Variants in PLA2R1 observed in about 807,000 individuals in gnomAD.
The protein encoded by PLA2R1 is secretory phospholipase A2 receptor.
A neutral mutation model predicts 195.9 loss-of-function variants in PLA2R1; 158 were observed. The observed-to-expected ratio is 0.81, with a 90% CI of 0.71 to 0.92. The LOEUF (loss-of-function observed/expected upper bound fraction) is 0.92, where lower values mean the gene tolerates loss of function less well. PLA2R1 is among the 40% of genes least tolerant of loss of function. The pLI, the probability that PLA2R1 is intolerant of heterozygous loss-of-function variation, is 0.00. For missense variants in PLA2R1, 1,626 were observed against 1,764.6 expected, an observed-to-expected ratio of 0.92 and a Z score of 1.41; for synonymous variants, 586 against 598.2, an observed-to-expected ratio of 0.98 and a Z score of 0.30.
intron 8 of PLA2R1, among the ~76,000 whole-genome samples, chr2:160,017,165 T>G (rs1692824218): frequency 2.0e-5 from 3 of 152,190 alleles, no homozygotes; most frequent in Admixed American, 2.0e-4. Flanking sequence ...TCTCAATTTT[T>G]CTATGAAAAG....
Position 160,062,300 on chromosome 2 carries a change from C to T in PLA2R1, c.104G>A (p.Trp35Ter). ...CCCGACCCTGGGAGACTCACCCTGC[C>T]ACTCCAGGAGCCGCTCGGGGGTAAG... ...AALTPERLLEWQDKGIFVIQS... is the reference protein window; with the variant it reads ...AALTPERLLE The change falls in exon 1 of 30, where the codon TGG becomes TAG. Residue 35 changes from tryptophan to a stop codon, truncating the protein, a stop_gained. Transcript: ENST00000283243. LOFTEE classifies it high-confidence loss of function. 3 of 1,497,174 alleles carry T rather than the reference C, an allele frequency of 2.0e-6. No individual in the cohort carries two copies. The highest frequency in any genetic ancestry group is 2.7e-6 in the Non-Finnish European group (3 of 1,123,620). 92.7% of individuals were successfully genotyped at this position (1,497,174 alleles called of 1,614,324 possible). A position where few individuals can be genotyped will look rare whatever the true frequency, so the allele number is the denominator to read the frequency against.
At chr2:160,048,919 C>T (rs916240805) in intron 1 of PLA2R1, among the ~76,000 whole-genome samples, 1 of 148,426 alleles carries the variant, frequency 6.7e-6, no homozygotes, top group African/African-American at 2.5e-5. Flanking sequence ...CGGCTCACTG[C>T]AAGCTCCGCC....
chr2:159,943,130 T>A (rs1302707298), intron 28 of PLA2R1, among the ~76,000 whole-genome samples: 1 of 152,024 alleles, frequency 6.6e-6, no homozygotes, highest in East Asian at 1.9e-4. Context: ...CCATCACACC[T>A]GGCTAATTTT....
intron 11 of PLA2R1, among the ~76,000 whole-genome samples, chr2:159,992,221 A>G (rs916500977): frequency 1.3e-5 from 2 of 151,824 alleles, no homozygotes; most frequent in Admixed American, 6.6e-5. Context: ...GCCAGTGATG[A>G]TGAGCATTTT....
In PLA2R1 at chr2:159,956,543, T is replaced by TC. The variant is rs755922927; in HGVS notation, c.2988dup (p.Thr997AspfsTer6). 33 of 1,612,658 alleles carry TC rather than the reference T, an allele frequency of 2.0e-5. No individual in the cohort carries two copies. The African/African-American group carries it at 3.3e-4, about 16-fold the overall frequency. ...ACCTCACTTTCAATGGCGACCAGGGTCCCCCCTTCTTCAGCACAGAAATGT... is the reference window on the plus strand; with the variant it reads ...ACCTCACTTTCAATGGCGACCAGGGTCCCCCCCTTCTTCAGCACAGAAATGT... On this transcript the variant is annotated frameshift_variant, in exon 21 of 30. Coordinates refer to ENST00000283243, the MANE Select transcript of PLA2R1 (RefSeq NM_007366.5). LOFTEE classifies it high-confidence loss of function.
At position 159,976,686 on chromosome 2, in the gene PLA2R1, G is replaced by C. The variant is rs372564830; in HGVS notation, c.2436C>G (p.Tyr812Ter). ...VKPKIPFWYQ[Y>*]DVPWLFYQDA... ...AAGAGCTGCCAGAGTCATTCTTACC[G>C]TACTGGTACCAGAACGGAATCTTGG... is the stretch of plus-strand genomic sequence containing the variant. Residue 812 changes from tyrosine to a stop codon, truncating the protein, a stop_gained and splice_region_variant, in exon 16 of 30, where the codon TAC becomes TAG. Transcript: ENST00000283243. LOFTEE classifies it high-confidence loss of function. 1.1e-5 allele frequency: 18 copies of C among 1,583,928 alleles called. No individual in the cohort carries two copies. Among genetic ancestry groups the C allele is most frequent in the Non-Finnish European group, 1.5e-5 (17 of 1,153,476 alleles).
At chr2:160,029,417 T>C (rs2105510456) in intron 4 of PLA2R1, among the ~76,000 whole-genome samples, 1 of 151,864 alleles carries the variant, frequency 6.6e-6, no homozygotes, top group East Asian at 1.9e-4. Context: ...CCAGGAGATG[T>C]CTGCTCAACA....
chr2:159,948,956 G>A (rs993756209), intron 25 of PLA2R1, among the ~76,000 whole-genome samples: 12 of 152,144 alleles, frequency 7.9e-5, no homozygotes, highest in Non-Finnish European at 1.6e-4. Context: ...TTAATGCTCT[G>A]AGTTTACATT....
chr2:159,960,336 C>T (rs1236376711), intron 20 of PLA2R1, among the ~76,000 whole-genome samples: 18 of 152,004 alleles, frequency 1.2e-4, no homozygotes, highest in Admixed American at 1.0e-3. Context: ...TTTTCCTGAT[C>T]GATTTACTAA....
intron 1 of PLA2R1, among the ~76,000 whole-genome samples, chr2:160,057,908 T>A (rs914331226): frequency 6.6e-6 from 1 of 152,196 alleles, no homozygotes; most frequent in African/African-American, 2.4e-5. Context: ...AGGGGGTGAA[T>A]GCCCCAGGAG....
chr2:160,054,704 T>C (rs1416218913), intron 1 of PLA2R1, among the ~76,000 whole-genome samples: 1 of 152,254 alleles, frequency 6.6e-6, no homozygotes, highest in Non-Finnish European at 1.5e-5. Flanking sequence ...CTTTATAAAA[T>C]GTTTTTCCCT....
chr2:160,025,455 G>A (rs942139642), intron 6 of PLA2R1, among the ~76,000 whole-genome samples: 7 of 151,936 alleles, frequency 4.6e-5, no homozygotes, highest in Non-Finnish European at 7.4e-5. Context: ...TGTAAATAGC[G>A]ACATCAAAAT....
At chr2:159,994,020 C>A (rs1691031098) in intron 11 of PLA2R1, among the ~76,000 whole-genome samples, 1 of 151,366 alleles carries the variant, frequency 6.6e-6, no homozygotes. Context: ...GTGAAGAAAC[C>A]CCTAATGAGT....
chr2:160,035,177 A>G (rs17830904), intron 3 of PLA2R1, among the ~76,000 whole-genome samples: 53,978 of 152,146 alleles, frequency 0.35, 11,907 homozygotes, highest in Non-Finnish European at 0.5. Flanking sequence ...CTCAGCCTGT[A>G]TAAGAATTTG....
chr2:160,024,317 C>T (rs554575542), intron 6 of PLA2R1, among the ~76,000 whole-genome samples: 16 of 152,220 alleles, frequency 1.1e-4, no homozygotes, highest in African/African-American at 3.6e-4. Flanking sequence ...CTCACTCTAC[C>T]TGGTGTGGCC....
intron 3 of PLA2R1, among the ~76,000 whole-genome samples, chr2:160,036,746 T>A (rs1694185276): frequency 1.3e-5 from 2 of 152,154 alleles, no homozygotes; most frequent in Admixed American, 1.3e-4. Flanking sequence ...TCCTAGCTCT[T>A]CCCCTCACCT....
intron 11 of PLA2R1, among the ~76,000 whole-genome samples, chr2:160,005,353 T>G (rs1170672633): frequency 6.6e-6 from 1 of 152,114 alleles, no homozygotes; most frequent in East Asian, 1.9e-4. Flanking sequence ...GAGAATCACT[T>G]GAGCCCAGGA....
rs1191797468 is a variant in PLA2R1, at chr2:159,935,744, A to G, written c.*6034T>C. On this transcript the variant is annotated 3_prime_UTR_variant, in exon 30 of 30. Transcript: ENST00000283243. ...AAGTTCCTTTGACTGGAGATACTAC[A>G]ACAATTTGAATTCTATCATAATCTA... The G allele has an allele frequency of 1.3e-5, 2 of 152,118 alleles. No homozygotes were observed. The highest frequency in any genetic ancestry group is 2.1e-4 in the South Asian group (1 of 4,824). The allele number at this position is 152,118 out of a possible 1,614,324, so 9.4% of individuals were successfully genotyped here.
chr2:159,925,940 C>T, the PLA2R1 span, among the ~76,000 whole-genome samples: 1 of 152,102 alleles, frequency 6.6e-6, no homozygotes, highest in Non-Finnish European at 1.5e-5. Context: ...GTCCCTGAAC[C>T]CCTGATTTGA....
Sources: gnomAD v4.1 joint callset for allele counts (sites outside exome capture counted in the v4.1 genomes callset) on GRCh38, gnomAD v4.1.1 for gene constraint, MANE v1.5 for transcripts, NCBI Gene and HGNC (gene_info 2026-07-23, HGNC 2026-07-21) for gene names.